The following IMPG1 variants were observed in gnomAD, a reference collection of about 807,000 sequenced individuals.
IMPG1 encodes the protein interphotoreceptor matrix proteoglycan of 150 kDa.
A neutral mutation model predicts 92.0 loss-of-function variants in IMPG1; 85 were observed. The ratio of observed to expected loss-of-function variants is 0.92; its 90% CI spans 0.78 to 1.11. The LOEUF (loss-of-function observed/expected upper bound fraction) is 1.11, where lower values mean the gene tolerates loss of function less well. Ranked by LOEUF, IMPG1 falls within the 50% of genes least tolerant of loss-of-function variation. The pLI, the probability that IMPG1 is intolerant of heterozygous loss-of-function variation, is 0.00. For missense variants in IMPG1, 1,022 were observed against 956.0 expected (o/e 1.07, Z -0.91); for synonymous variants, 367 against 334.1 (o/e 1.10, Z -1.08).
At chr6:76,009,562 T>G (rs1056865748) in intron 8 of IMPG1, among the ~76,000 whole-genome samples, 1 of 152,242 alleles carries the variant, frequency 6.6e-6, no homozygotes, top group Non-Finnish European at 1.5e-5. Context: ...CATTATTTAT[T>G]GTATTCAAGG....
At chr6:75,943,106 G>C (rs1253542355) in intron 14 of IMPG1, among the ~76,000 whole-genome samples, 5 of 152,142 alleles carry the variant, frequency 3.3e-5, no homozygotes, top group Admixed American at 1.3e-4. Flanking sequence ...ATGGAAAAAG[G>C]AGGTGTGAGT....
chr6:76,029,991 T>G (rs1562376625), intron 4 of IMPG1, among the ~76,000 whole-genome samples: 1 of 151,714 alleles, frequency 6.6e-6, no homozygotes, highest in Non-Finnish European at 1.5e-5. Flanking sequence ...GAAGGAAAAC[T>G]GGATCTGAGG....
intron 1 of IMPG1, among the ~76,000 whole-genome samples, chr6:76,047,062 T>C (rs1285740523): frequency 6.6e-6 from 1 of 152,238 alleles, no homozygotes; most frequent in East Asian, 1.9e-4. Context: ...TAATATGTCA[T>C]GGGTTAGATA....
intron 12 of IMPG1, among the ~76,000 whole-genome samples, chr6:75,957,846 T>G (rs1782154696): frequency 6.6e-6 from 1 of 152,202 alleles, no homozygotes; most frequent in Non-Finnish European, 1.5e-5. Context: ...CAATGGGTCT[T>G]GAATCTTTAT....
chr6:76,050,040 A>T (rs1431433672), intron 1 of IMPG1, among the ~76,000 whole-genome samples: 8 of 152,180 alleles, frequency 5.3e-5, no homozygotes, highest in African/African-American at 1.9e-4. Flanking sequence ...CACTGAATTT[A>T]AACACTTTCA....
intron 4 of IMPG1, among the ~76,000 whole-genome samples, chr6:76,027,067 C>A (rs1322450795): frequency 6.6e-6 from 1 of 152,152 alleles, no homozygotes; most frequent in Non-Finnish European, 1.5e-5. Flanking sequence ...AAGACAAGCA[C>A]TTGGATCTAA....
At chr6:76,030,991 G>A (rs1396067960) in intron 4 of IMPG1, among the ~76,000 whole-genome samples, 1 of 152,088 alleles carries the variant, frequency 6.6e-6, no homozygotes, top group Non-Finnish European at 1.5e-5. Flanking sequence ...GCTGTGGGTG[G>A]CAAGCAGTCT....
At chr6:75,974,393 T>TTCCTTCCTTCCTTCCTTCCTTGC (rs1313714060) in intron 12 of IMPG1, among the ~76,000 whole-genome samples, 4 of 65,030 alleles carry the variant, frequency 6.2e-5, no homozygotes, top group East Asian at 5.9e-4. Context: ...CTTTCTTTCT[T>TTCCTTCCTTCCTTCCTTCCTTGC]TTCTTTCTTT....
chr6:75,970,670 G>C (rs1200826636), intron 12 of IMPG1, among the ~76,000 whole-genome samples: 3 of 152,108 alleles, frequency 2.0e-5, no homozygotes, highest in Non-Finnish European at 4.4e-5. Context: ...GCCTTCTCTG[G>C]AGAAGAAAAT....
chr6:75,963,868 G>A (rs926193105), intron 12 of IMPG1, among the ~76,000 whole-genome samples: 32 of 152,110 alleles, frequency 2.1e-4, no homozygotes, highest in Non-Finnish European at 7.3e-5. Flanking sequence ...CAAAAGGCTG[G>A]CCTTTATCTT....
Position 76,011,234 on chromosome 6 carries a change from G to C in IMPG1, c.808-10C>G. The C allele has an allele frequency of 6.7e-7, 1 of 1,485,216 alleles. No individual in the cohort carries two copies. Among genetic ancestry groups the C allele is most frequent in the Non-Finnish European group, 9.4e-7 (1 of 1,065,812 alleles). 92.0% of individuals were successfully genotyped at this position (1,485,216 alleles called of 1,614,324 possible). A position where few individuals can be genotyped will look rare whatever the true frequency, so the allele number is the denominator to read the frequency against. On this transcript the variant is annotated splice_polypyrimidine_tract_variant and intron_variant, in intron 7 of 16. Transcript: ENST00000369950. ...TAAATATCTTTTGCATCTGCAGAGA[G>C]AAAGAAATTTGTAAAATACTCTTTG...
intron 14 of IMPG1, among the ~76,000 whole-genome samples, chr6:75,944,187 C>T (rs765066349): frequency 1.3e-5 from 2 of 152,132 alleles, no homozygotes; most frequent in Non-Finnish European, 2.9e-5. Flanking sequence ...ATGAAGGAGC[C>T]CACAGAGTCA....
intron 13 of IMPG1, among the ~76,000 whole-genome samples, chr6:75,948,448 C>T (rs1449756310): frequency 6.6e-6 from 1 of 152,168 alleles, no homozygotes; most frequent in African/African-American, 2.4e-5. Flanking sequence ...TGACCCACAC[C>T]TCCTTTTTAT....
intron 14 of IMPG1, among the ~76,000 whole-genome samples, chr6:75,939,132 C>A (rs1781797536): frequency 6.6e-6 from 1 of 152,242 alleles, no homozygotes; most frequent in Non-Finnish European, 1.5e-5. Context: ...AGCCACCGCT[C>A]CCAGCCTTCA....
Position 76,005,454 on chromosome 6 carries a change from AG to A in IMPG1, c.967del (p.Leu323CysfsTer36). On this transcript the variant is annotated frameshift_variant, in exon 10 of 17. Coordinates refer to ENST00000369950, the MANE Select transcript of IMPG1 (RefSeq NM_001563.4). LOFTEE classifies it high-confidence loss of function. ...AEAKSPASDLLSFDSNKIESE... is the reference protein window; with the variant it reads ...AEAKSPASDLXSFDSNKIESE... Reference sequence around the variant, plus strand: ...TTCAATTTTGTTGGAATCAAAAGACAGGAGGTCACTTGCAGGGCTTTTTGCT... The same window carrying A: ...TTCAATTTTGTTGGAATCAAAAGACAGAGGTCACTTGCAGGGCTTTTTGCT... 6.2e-7 allele frequency: 1 copy of A among 1,614,050 alleles called. No individual in the cohort carries two copies. The highest frequency in any genetic ancestry group is 8.5e-7 in the Non-Finnish European group (1 of 1,179,948).
intron 14 of IMPG1, among the ~76,000 whole-genome samples, chr6:75,938,406 G>A (rs544452429): frequency 1.2e-4 from 18 of 152,298 alleles, no homozygotes; most frequent in Non-Finnish European, 2.4e-4. Flanking sequence ...CTGACATTAA[G>A]CAAAAGAAAA....
At chr6:75,991,065 C>G (rs972404793) in intron 12 of IMPG1, among the ~76,000 whole-genome samples, 3 of 152,144 alleles carry the variant, frequency 2.0e-5, no homozygotes, top group Non-Finnish European at 4.4e-5. Flanking sequence ...TGGTTATTCT[C>G]TGGCCTCAAA....
At chr6:76,008,927 C>T (rs1783140922) in intron 8 of IMPG1, among the ~76,000 whole-genome samples, 1 of 152,144 alleles carries the variant, frequency 6.6e-6, no homozygotes, top group African/African-American at 2.4e-5. Context: ...TTTCCTGTTA[C>T]TATAAATCAG....
intron 15 of IMPG1, 92 bp from the exon 16 acceptor site, chr6:75,923,798 C>T: frequency 1.4e-6 from 1 of 718,808 alleles, no homozygotes; most frequent in East Asian, 2.7e-5. Flanking sequence ...GTTTTAACAT[C>T]ATGACAAGTG....
Sources: gnomAD v4.1 joint callset for allele counts (sites outside exome capture counted in the v4.1 genomes callset) on GRCh38, gnomAD v4.1.1 for gene constraint, MANE v1.5 for transcripts, NCBI Gene and HGNC (gene_info 2026-07-23, HGNC 2026-07-21) for gene names.